The following DYM variants were observed in gnomAD, a reference collection of about 807,000 sequenced individuals.
The protein encoded by DYM is dyggve-Melchior-Clausen syndrome protein.
A neutral mutation model predicts 93.1 loss-of-function variants in DYM; 78 were observed. The observed-to-expected ratio is 0.84, with a 90% CI of 0.70 to 1.01. DYM has a LOEUF of 1.01. Among genes scored for constraint, DYM ranks in the 50% least tolerant of loss-of-function variants. The probability of loss-of-function intolerance (pLI) is 0.00; values close to 1 mark genes in which losing one functional copy is unlikely to be tolerated. For missense variants in DYM, 789 were observed against 845.0 expected (o/e 0.93, Z 0.82); for synonymous variants, 321 against 319.7 (o/e 1.00, Z -0.04).
At chr18:49,242,536 TCAGCTTGACACA>T (rs1307684487) in intron 13 of DYM, among the ~76,000 whole-genome samples, 1 of 152,188 alleles carries the variant, frequency 6.6e-6, no homozygotes, top group Admixed American at 6.5e-5. Flanking sequence ...TGGATGAAGG[TCAGCTTGACACA>T]CAGCCTCTAG....
intron 17 of DYM, among the ~76,000 whole-genome samples, chr18:49,081,683 C>G (rs1301116870): frequency 2.0e-5 from 3 of 152,182 alleles, no homozygotes; most frequent in Non-Finnish European, 2.9e-5. Flanking sequence ...AAGGTTTAGT[C>G]AAAGATGTGG....
At chr18:49,190,861 A>G (rs1287902846) in intron 14 of DYM, among the ~76,000 whole-genome samples, 3 of 152,186 alleles carry the variant, frequency 2.0e-5, no homozygotes, top group African/African-American at 7.2e-5. Flanking sequence ...TACGTAATAA[A>G]TAGTGATTTT....
chr18:49,218,613 A>G lies in DYM; in HGVS notation c.1461-8898T>C, dbSNP rs1488611922. On this transcript the variant is annotated intron_variant, in intron 13 of 17. Coordinates refer to ENST00000675505, the MANE Select transcript of DYM (RefSeq NM_001353214.3). ...AGGATTAAGAAACTCACTCAAAACCACTCAACTACATGGAAACTGAACAAC... is the reference window on the plus strand; with the variant it reads ...AGGATTAAGAAACTCACTCAAAACCGCTCAACTACATGGAAACTGAACAAC... Among the ~76,000 whole-genome samples the G allele has an allele frequency of 2.6e-5, 4 of 152,146 alleles. No homozygotes were observed. In the South Asian group the frequency reaches 6.2e-4, roughly 24 times the overall value.
chr18:49,309,910 C>A (rs748645115), intron 8 of DYM, among the ~76,000 whole-genome samples: 1 of 152,164 alleles, frequency 6.6e-6, no homozygotes, highest in Non-Finnish European at 1.5e-5. Context: ...TCAACCCTAT[C>A]CAGACGGCAT....
intron 13 of DYM, among the ~76,000 whole-genome samples, chr18:49,253,933 C>T (rs2094339110): frequency 6.6e-6 from 1 of 152,060 alleles, no homozygotes; most frequent in South Asian, 2.1e-4. Flanking sequence ...GTAATAGCCC[C>T]AGCTGTTTCT....
intron 16 of DYM, among the ~76,000 whole-genome samples, chr18:49,117,996 C>CTTTTTTTTTT (rs35936099): frequency 2.4e-4 from 13 of 53,474 alleles, no homozygotes; most frequent in East Asian, 5.4e-4. Context: ...TGTGCCCAGC[C>CTTTTTTTTTT]TTTTTTTTTT....
intron 14 of DYM, among the ~76,000 whole-genome samples, chr18:49,192,706 T>C (rs1430352585): frequency 1.3e-5 from 2 of 152,200 alleles, no homozygotes; most frequent in Non-Finnish European, 2.9e-5. Flanking sequence ...AATCTAGTAG[T>C]GTAATGCTCC....
intron 15 of DYM, 104 bp downstream of exon 15, chr18:49,163,581 T>A: frequency 1.4e-6 from 1 of 735,440 alleles, no homozygotes; most frequent in South Asian, 1.5e-5. Flanking sequence ...CCCGACCAAG[T>A]GATCCATCTG....
intron 15 of DYM, among the ~76,000 whole-genome samples, chr18:49,156,732 CA>C (rs1224742522): frequency 0.027 from 1,687 of 63,212 alleles, 34 homozygotes; most frequent in East Asian, 0.18. Context: ...AACGCTGTCT[CA>C]AAAAAAAAAA....
intron 12 of DYM, among the ~76,000 whole-genome samples, chr18:49,257,969 G>GTA (rs1182902775): frequency 6.6e-6 from 1 of 152,092 alleles, no homozygotes; most frequent in Non-Finnish European, 1.5e-5. Flanking sequence ...ACTGTGAAGA[G>GTA]AATCCAGCAG....
At chr18:49,144,306 T>G (rs980316874) in intron 15 of DYM, among the ~76,000 whole-genome samples, 1 of 147,224 alleles carries the variant, frequency 6.8e-6, no homozygotes, top group Admixed American at 6.7e-5. Context: ...GATTAGTTTT[T>G]GGGTTTTTTT....
At position 49,142,334 on chromosome 18, in the gene DYM, C is replaced by T. The variant is rs117903957; in HGVS notation, c.1728+21351G>A. Among the ~76,000 whole-genome samples, 262 of 152,196 alleles carry T rather than the reference C, an allele frequency of 1.7e-3. 4 individuals are homozygous for T. The East Asian group carries it at 0.02, about 12-fold the overall frequency. Reference sequence around the variant, plus strand: ...AAACTCAAAAGGATTAAGTAACTTCCTCACTGTCACATGGCTATTAAGAGA... The same window carrying T: ...AAACTCAAAAGGATTAAGTAACTTCTTCACTGTCACATGGCTATTAAGAGA... On this transcript the variant is annotated intron_variant, in intron 15 of 17. Transcript: ENST00000675505.
chr18:49,286,272 T>A (rs2059657045), intron 9 of DYM, among the ~76,000 whole-genome samples, 162 bp downstream of exon 9: 1 of 152,188 alleles, frequency 6.6e-6, no homozygotes, highest in African/African-American at 2.4e-5. Context: ...ATGCTTGACC[T>A]TCCTGATAAT....
At chr18:49,293,400 A>C (rs546786575) in intron 8 of DYM, among the ~76,000 whole-genome samples, 39 of 152,344 alleles carry the variant, frequency 2.6e-4, no homozygotes, top group Non-Finnish European at 5.3e-4. Flanking sequence ...AGGAATCACC[A>C]CACTGTCTTC....
At chr18:49,453,657 C>T (rs1282625106) in intron 1 of DYM, among the ~76,000 whole-genome samples, 1 of 152,204 alleles carries the variant, frequency 6.6e-6, no homozygotes, top group Non-Finnish European at 1.5e-5. Context: ...CACCTTCTAA[C>T]TGAAATACTG....
At chr18:49,070,449 T>C (rs369962356) in intron 17 of DYM, among the ~76,000 whole-genome samples, 5 of 152,318 alleles carry the variant, frequency 3.3e-5, no homozygotes, top group Admixed American at 2.0e-4. Flanking sequence ...TCTCCACTTA[T>C]GTGCTTCAGA....
chr18:49,300,010 T>C (rs2060805694), intron 8 of DYM, among the ~76,000 whole-genome samples: 2 of 145,986 alleles, frequency 1.4e-5, no homozygotes, highest in Admixed American at 6.9e-5. Context: ...GCCACTGCAC[T>C]CCAGCCTGGT....
At chr18:49,084,769 G>A (rs1370107870) in intron 17 of DYM, among the ~76,000 whole-genome samples, 1 of 152,184 alleles carries the variant, frequency 6.6e-6, no homozygotes, top group Admixed American at 6.5e-5. Context: ...TCAACAAAAT[G>A]TTGACTGGAA....
At chr18:49,088,569 G>T (rs1201269688) in intron 17 of DYM, among the ~76,000 whole-genome samples, 1 of 145,998 alleles carries the variant, frequency 6.8e-6, no homozygotes, top group Non-Finnish European at 1.5e-5. Flanking sequence ...AAAAAAAAAG[G>T]CCTAACAGCC....
Sources: gnomAD v4.1 joint callset for allele counts (sites outside exome capture counted in the v4.1 genomes callset) on GRCh38, gnomAD v4.1.1 for gene constraint, MANE v1.5 for transcripts, NCBI Gene and HGNC (gene_info 2026-07-23, HGNC 2026-07-21) for gene names.